The following PAX5 variants were observed in gnomAD, a reference collection of about 807,000 sequenced individuals.
The protein encoded by PAX5 is paired box 5.
In PAX5, 9 loss-of-function variants were observed where a neutral mutation model predicts 43.7. The ratio of observed to expected loss-of-function variants is 0.21; its 90% confidence interval spans 0.12 to 0.36. The LOEUF is 0.36. PAX5 is among the 10% of genes least tolerant of loss of function. PAX5 has a pLI of 1.00. For missense variants in PAX5, 383 were observed against 532.7 expected (o/e 0.72, Z 2.77); for synonymous variants, 228 against 214.3 (o/e 1.06, Z -0.56).
At chr9:37,020,496 G>T (rs1839762482) in intron 2 of PAX5, 140 bp downstream of exon 2, 8 of 851,850 alleles carry the variant, frequency 9.4e-6, no homozygotes, top group Non-Finnish European at 1.1e-5. Context: ...TTGGGGCTTT[G>T]CAGACTTTAA....
intron 6 of PAX5, among the ~76,000 whole-genome samples, chr9:36,933,604 T>C (rs1443066717): frequency 6.6e-6 from 1 of 152,132 alleles, no homozygotes; most frequent in African/African-American, 2.4e-5. Context: ...CTGCCACCCC[T>C]GAAGGTACAG....
At chr9:36,980,623 G>T (rs1459133762) in intron 5 of PAX5, among the ~76,000 whole-genome samples, 1 of 152,156 alleles carries the variant, frequency 6.6e-6, no homozygotes, top group Non-Finnish European at 1.5e-5. Context: ...GGGGGAGGAG[G>T]GTCATACAGT....
At chr9:36,968,007 C>T (rs982991792) in intron 5 of PAX5, among the ~76,000 whole-genome samples, 1 of 152,178 alleles carries the variant, frequency 6.6e-6, no homozygotes, top group Admixed American at 6.5e-5. Flanking sequence ...AAATCAAGCA[C>T]AGAGGGCAAA....
chr9:36,845,806 C>G (rs1036661282), intron 9 of PAX5, among the ~76,000 whole-genome samples: 5 of 152,102 alleles, frequency 3.3e-5, no homozygotes, highest in African/African-American at 1.2e-4. Context: ...TTGAAGACAC[C>G]AGGTTATGGC....
rs118156994 is a variant in PAX5, at chr9:36,868,044, G to C, written c.1012+13960C>G. Among the ~76,000 whole-genome samples, 241 of 152,290 alleles carry C rather than the reference G, an allele frequency of 1.6e-3. 3 individuals are homozygous for C. The East Asian group carries it at 0.035, about 22-fold the overall frequency. ...GTGAAAGGGAAAACATGAGGGATGAGGGCGAGAGGCAAGTCCCCCGAGAGG... is the reference window on the plus strand; with the variant it reads ...GTGAAAGGGAAAACATGAGGGATGACGGCGAGAGGCAAGTCCCCCGAGAGG... On this transcript the variant is annotated intron_variant, in intron 8 of 9. Coordinates refer to ENST00000358127, the MANE Select transcript of PAX5 (RefSeq NM_016734.3).
chr9:36,923,595 C>G, intron 6 of PAX5, 111 bp from the exon 7 acceptor site: 1 of 1,286,608 alleles, frequency 7.8e-7, no homozygotes, highest in Non-Finnish European at 1.1e-6. Context: ...CATGCCTGTG[C>G]CAAGGCCCAC....
chr9:36,849,575 T>A (rs899940554), intron 8 of PAX5, among the ~76,000 whole-genome samples: 2 of 152,192 alleles, frequency 1.3e-5, no homozygotes, highest in East Asian at 3.8e-4. Context: ...CAGAGCAGAC[T>A]CTCTAACTCA....
intron 5 of PAX5, among the ~76,000 whole-genome samples, chr9:36,990,126 C>T (rs1321071234): frequency 6.6e-6 from 1 of 152,128 alleles, no homozygotes; most frequent in Non-Finnish European, 1.5e-5. Context: ...GTTTTTCAAG[C>T]AGTGGGAAGA....
At chr9:36,926,746 A>G (rs564319980) in intron 6 of PAX5, among the ~76,000 whole-genome samples, 2 of 152,272 alleles carry the variant, frequency 1.3e-5, no homozygotes, top group Non-Finnish European at 2.9e-5. Flanking sequence ...CGAATGCCCT[A>G]GTGAATGGTG....
chr9:36,918,234 AGCCTCTT>A (rs1829869661), intron 7 of PAX5, among the ~76,000 whole-genome samples: 1 of 152,256 alleles, frequency 6.6e-6, no homozygotes, highest in African/African-American at 2.4e-5. Flanking sequence ...CCAAAAGCAA[AGCCTCTT>A]GCACCAAACA....
At chr9:36,950,415 C>G (rs561652621) in intron 6 of PAX5, among the ~76,000 whole-genome samples, 1 of 152,208 alleles carries the variant, frequency 6.6e-6, no homozygotes, top group Admixed American at 6.5e-5. Context: ...AATGCCAAAG[C>G]TCAGAGCTGG....
intron 7 of PAX5, among the ~76,000 whole-genome samples, chr9:36,911,868 G>A (rs935744872): frequency 7.2e-5 from 11 of 152,332 alleles, no homozygotes; most frequent in Middle Eastern, 3.4e-3. Flanking sequence ...CCACGCAGCC[G>A]AAACCAGCCT....
intron 8 of PAX5, among the ~76,000 whole-genome samples, chr9:36,853,907 G>A (rs1823398794): frequency 6.6e-6 from 1 of 152,200 alleles, no homozygotes. Flanking sequence ...GCTCAGTATA[G>A]CTCTTAATTA....
intron 4 of PAX5, among the ~76,000 whole-genome samples, chr9:37,004,516 G>A (rs1417647257): frequency 6.6e-6 from 1 of 152,218 alleles, no homozygotes; most frequent in Non-Finnish European, 1.5e-5. Context: ...AGCAGATCCA[G>A]CTCCTGGCTC....
intron 8 of PAX5, among the ~76,000 whole-genome samples, chr9:36,867,912 G>C (rs977368212): frequency 6.6e-6 from 1 of 152,046 alleles, no homozygotes; most frequent in South Asian, 2.1e-4. Context: ...TCTGGGCTTC[G>C]CGGGTCCCAT....
chr9:36,900,437 G>C (rs1828278282), intron 7 of PAX5, among the ~76,000 whole-genome samples: 1 of 152,212 alleles, frequency 6.6e-6, no homozygotes, highest in Non-Finnish European at 1.5e-5. Context: ...TGCCTGACTG[G>C]GAAGCCTCCA....
intron 5 of PAX5, among the ~76,000 whole-genome samples, chr9:36,989,717 CTG>C (rs1446139011): frequency 1.3e-5 from 2 of 152,206 alleles, no homozygotes; most frequent in East Asian, 1.9e-4. Flanking sequence ...GATGGAGACT[CTG>C]GGGTCAGGCA....
intron 8 of PAX5, among the ~76,000 whole-genome samples, chr9:36,873,455 A>G (rs1186753917): frequency 6.6e-6 from 1 of 152,226 alleles, no homozygotes; most frequent in Non-Finnish European, 1.5e-5. Flanking sequence ...TGGCAGAGTG[A>G]CTGGAGGCCA....
chr9:36,996,424 T>G (rs1031448309), intron 5 of PAX5, among the ~76,000 whole-genome samples: 4 of 152,360 alleles, frequency 2.6e-5, no homozygotes, highest in South Asian at 4.1e-4. Flanking sequence ...CCCATGAGCC[T>G]GTGCCTTTGA....
Sources: allele counts gnomAD v4.1 joint callset (sites outside exome capture counted in the v4.1 genomes callset), GRCh38; gene constraint gnomAD v4.1.1; transcripts MANE v1.5; gene names NCBI Gene and HGNC (gene_info 2026-07-23, HGNC 2026-07-21).